The following CCSER1 variants were observed in gnomAD, a reference collection of about 807,000 sequenced individuals.
CCSER1 encodes serine-rich coiled-coil domain-containing protein 1.
Under a neutral mutation model 82.0 loss-of-function variants are expected in CCSER1, and 41 were observed. That is an observed-to-expected ratio of 0.50 (90% CI 0.39 to 0.65). CCSER1 has a LOEUF of 0.65. Among genes scored for constraint, CCSER1 ranks in the 30% least tolerant of loss-of-function variants. The pLI is 0.00. For missense variants in CCSER1, 1,119 were observed against 1,064.2 expected (o/e 1.05, Z -0.72); for synonymous variants, 414 against 383.9 (o/e 1.08, Z -0.92).
intron 10 of CCSER1, among the ~76,000 whole-genome samples, chr4:91,252,778 G>A (rs1740353277): frequency 6.6e-6 from 1 of 151,972 alleles, no homozygotes; most frequent in African/African-American, 2.4e-5. Context: ...GACATTAAAT[G>A]TATACAAAAA....
intron 7 of CCSER1, among the ~76,000 whole-genome samples, chr4:90,741,454 A>G (rs1426117670): frequency 6.6e-6 from 1 of 152,210 alleles, no homozygotes; most frequent in African/African-American, 2.4e-5. Flanking sequence ...GGTAACAATC[A>G]CACCATCATT....
chr4:90,233,326 A>T (rs1215775658), intron 1 of CCSER1, among the ~76,000 whole-genome samples: 1 of 152,284 alleles, frequency 6.6e-6, no homozygotes, highest in East Asian at 1.9e-4. Context: ...CTTTGTAGGG[A>T]CACGGATGAA....
intron 8 of CCSER1, among the ~76,000 whole-genome samples, chr4:90,870,815 CTTT>C (rs35869800): frequency 9.1e-5 from 10 of 109,538 alleles, no homozygotes; most frequent in South Asian, 3.2e-4. Context: ...AGGTCCTTGG[CTTT>C]TTTTTTTTTT....
At chr4:90,443,957 T>A (rs1454432055) in intron 4 of CCSER1, among the ~76,000 whole-genome samples, 1 of 152,102 alleles carries the variant, frequency 6.6e-6, no homozygotes, top group Non-Finnish European at 1.5e-5. Flanking sequence ...TTCATTCTAA[T>A]GACTTTTTAG....
intron 5 of CCSER1, among the ~76,000 whole-genome samples, chr4:90,503,024 G>A (rs888570786): frequency 6.6e-5 from 10 of 152,036 alleles, no homozygotes; most frequent in African/African-American, 1.2e-4. Context: ...GAAAATTCAC[G>A]TCAGAAAATC....
At chr4:91,149,365 A>T (rs1729893270) in intron 10 of CCSER1, among the ~76,000 whole-genome samples, 1 of 152,174 alleles carries the variant, frequency 6.6e-6, no homozygotes, top group Non-Finnish European at 1.5e-5. Flanking sequence ...TTCTTTGTAG[A>T]TTCTGGAAAT....
intron 10 of CCSER1, among the ~76,000 whole-genome samples, chr4:91,197,946 A>G (rs1026978302): frequency 6.6e-6 from 1 of 152,142 alleles, no homozygotes; most frequent in African/African-American, 2.4e-5. Context: ...ATTATAGGCA[A>G]TAAAATTATA....
At chr4:91,476,736 A>C (rs1004753508) in intron 10 of CCSER1, among the ~76,000 whole-genome samples, 3 of 151,738 alleles carry the variant, frequency 2.0e-5, no homozygotes, top group African/African-American at 7.2e-5. Flanking sequence ...GAATAATAGA[A>C]TAGAGAACTC....
At chr4:91,116,641 G>A (rs1726633614) in intron 10 of CCSER1, among the ~76,000 whole-genome samples, 1 of 152,152 alleles carries the variant, frequency 6.6e-6, no homozygotes, top group Non-Finnish European at 1.5e-5. Flanking sequence ...TGGAGATGGT[G>A]GTTGTTGTTG....
intron 5 of CCSER1, among the ~76,000 whole-genome samples, chr4:90,473,048 A>G (rs1764603895): frequency 6.6e-6 from 1 of 152,188 alleles, no homozygotes; most frequent in African/African-American, 2.4e-5. Flanking sequence ...TCCTACTGTT[A>G]AAAGTATAAC....
At chr4:90,521,124 T>A (rs1773062015) in intron 5 of CCSER1, among the ~76,000 whole-genome samples, 2 of 152,182 alleles carry the variant, frequency 1.3e-5, no homozygotes, top group Admixed American at 6.5e-5. Flanking sequence ...TGCTTTCTGA[T>A]TCTCTTTGCT....
chr4:91,291,084 T>G (rs1743707854), intron 10 of CCSER1, among the ~76,000 whole-genome samples: 1 of 151,482 alleles, frequency 6.6e-6, no homozygotes, highest in Non-Finnish European at 1.5e-5. Flanking sequence ...TATTATTTTA[T>G]AAATATTTTA....
At chr4:90,947,121 G>A (rs149856999) in intron 9 of CCSER1, among the ~76,000 whole-genome samples, 5 of 152,088 alleles carry the variant, frequency 3.3e-5, no homozygotes, top group African/African-American at 1.2e-4. Flanking sequence ...TCAAAACATA[G>A]CAAGTCACAT....
At chr4:91,517,029 T>C (rs1760164986) in intron 10 of CCSER1, among the ~76,000 whole-genome samples, 1 of 152,226 alleles carries the variant, frequency 6.6e-6, no homozygotes, top group Non-Finnish European at 1.5e-5. Context: ...GGAATGGTAC[T>C]GATTTTTGTA....
At chr4:90,661,183 A>G (rs1730704679) in intron 6 of CCSER1, among the ~76,000 whole-genome samples, 1 of 152,162 alleles carries the variant, frequency 6.6e-6, no homozygotes, top group Admixed American at 6.5e-5. Context: ...ATTATAACTT[A>G]CCTACAGAAT....
intron 5 of CCSER1, among the ~76,000 whole-genome samples, chr4:90,606,699 A>G (rs1784759159): frequency 6.6e-6 from 1 of 152,310 alleles, no homozygotes; most frequent in South Asian, 2.1e-4. Flanking sequence ...GAAAAAGTGG[A>G]TAAAATTATA....
chr4:91,035,241 A>C (rs544731267), intron 9 of CCSER1, among the ~76,000 whole-genome samples: 15 of 152,302 alleles, frequency 9.8e-5, no homozygotes, highest in African/African-American at 3.6e-4. Flanking sequence ...AACTGAAATA[A>C]AGCTTTATTT....
At chr4:90,505,850 G>T (rs1770604168) in intron 5 of CCSER1, among the ~76,000 whole-genome samples, 1 of 152,072 alleles carries the variant, frequency 6.6e-6, no homozygotes, top group Non-Finnish European at 1.5e-5. Context: ...ACCGCATCCT[G>T]TTTTATCAGT....
intron 9 of CCSER1, among the ~76,000 whole-genome samples, chr4:91,025,551 C>T (rs1373449804): frequency 6.6e-6 from 1 of 152,092 alleles, no homozygotes; most frequent in Non-Finnish European, 1.5e-5. Context: ...ACTACTATAA[C>T]TGATAACAGT....
Sources: allele counts gnomAD v4.1 joint callset (sites outside exome capture counted in the v4.1 genomes callset), GRCh38; gene constraint gnomAD v4.1.1; transcripts MANE v1.5; gene names NCBI Gene and HGNC (gene_info 2026-07-23, HGNC 2026-07-21).